ROBO2: variants seen among roughly 807,000 people sequenced by gnomAD.
ROBO2 encodes the protein roundabout homolog 2.
ROBO2 carries 53 observed loss-of-function variants against 160.8 expected under a neutral mutation model. The ratio of observed to expected loss-of-function variants is 0.33; its 90% CI spans 0.26 to 0.41. ROBO2 has a LOEUF of 0.41. ROBO2 is among the 10% of genes least tolerant of loss of function. The pLI, the probability that ROBO2 is intolerant of heterozygous loss-of-function variation, is 1.00. For missense variants in ROBO2, 1,577 were observed against 1,722.4 expected (o/e 0.92, Z 1.49); for synonymous variants, 664 against 611.7 (o/e 1.09, Z -1.26).
chr3:77,524,788 G>T (rs1387869393), intron 6 of ROBO2, among the ~76,000 whole-genome samples: 5 of 148,412 alleles, frequency 3.4e-5, no homozygotes, highest in African/African-American at 1.2e-4. Context: ...GTTTTCAATA[G>T]TTTTTTTTTT....
chr3:76,840,559 G>A (rs979528656), intron 2 of ROBO2, among the ~76,000 whole-genome samples: 4 of 149,404 alleles, frequency 2.7e-5, no homozygotes, highest in Non-Finnish European at 4.4e-5. Context: ...GCAGTGAGCC[G>A]AGATCGCACC....
In ROBO2 at chr3:77,195,592, A is replaced by G. The variant is rs143962842; in HGVS notation, c.388+97252A>G. Reference sequence around the variant, plus strand: ...CCTGGAAGTATAGTTCACAGCAAACATTTTAAATCTGTCTTATCTATATTA... The same window carrying G: ...CCTGGAAGTATAGTTCACAGCAAACGTTTTAAATCTGTCTTATCTATATTA... On this transcript the variant is annotated intron_variant, in intron 2 of 25. Transcript: ENST00000461745. Among the ~76,000 whole-genome samples the G allele has an allele frequency of 1.6e-4, 24 of 152,336 alleles. No homozygotes were observed. In the East Asian group the frequency reaches 3.5e-3, roughly 22 times the overall value.
intron 2 of ROBO2, among the ~76,000 whole-genome samples, chr3:77,101,409 G>A (rs577316555): frequency 6.6e-6 from 1 of 152,268 alleles, no homozygotes; most frequent in Non-Finnish European, 1.5e-5. Context: ...TATGGTAAAC[G>A]TTAGCTGTAT....
chr3:76,855,563 A>AT (rs1450505623), intron 2 of ROBO2, among the ~76,000 whole-genome samples: 2 of 152,182 alleles, frequency 1.3e-5, no homozygotes, highest in South Asian at 2.1e-4. Flanking sequence ...TGGTGTATAT[A>AT]TTTTTTTCTT....
intron 2 of ROBO2, among the ~76,000 whole-genome samples, chr3:76,505,202 A>G (rs1008931695): frequency 6.6e-6 from 1 of 152,184 alleles, no homozygotes; most frequent in African/African-American, 2.4e-5. Context: ...ATTTAGATCA[A>G]TTAATAAAAG....
At chr3:77,460,666 C>T (rs543327422) in intron 2 of ROBO2, among the ~76,000 whole-genome samples, 6 of 152,088 alleles carry the variant, frequency 3.9e-5, no homozygotes, top group South Asian at 4.2e-4. Context: ...GCAATGCTTT[C>T]GTGGTAATGA....
rs1441491928 is a variant in ROBO2 at position 77,156,811 on chromosome 3, TA to T, written c.388+58477del. On this transcript the variant is annotated intron_variant, in intron 2 of 25. Coordinates refer to ENST00000461745, the Ensembl canonical transcript of ROBO2. The stretch of plus-strand genomic sequence containing the variant: ...TCATTAGAATATTCATTAGAATGTA[TA>T]AAAAATAGAATTAAGCTAGTTAATT... Among the ~76,000 whole-genome samples, 4 of 151,166 alleles carry T rather than the reference TA, an allele frequency of 2.6e-5. No individual in the cohort carries two copies. The East Asian group carries it at 7.7e-4, about 29-fold the overall frequency.
rs993497276 is a variant in ROBO2, at chr3:77,047,644, G to A, written c.61+6798G>A. ...GTGGAGGTTGCAGTGCCAAAATTGT[G>A]CCATTATACTCCAGCCTAGGCAACG... On this transcript the variant is annotated intron_variant, in intron 1 of 25. Transcript: ENST00000461745. Among the ~76,000 whole-genome samples the A allele has an allele frequency of 2.7e-5, 4 of 150,754 alleles. No homozygotes were observed. In the South Asian group the frequency reaches 8.4e-4, roughly 32 times the overall value.
At position 76,502,998 on chromosome 3, in the gene ROBO2, A is replaced by ATG. The variant is rs1268241725; in HGVS notation, c.109+565397_109+565398insGT. Among the ~76,000 whole-genome samples, 483 of 125,814 alleles carry ATG rather than the reference A, an allele frequency of 3.8e-3. 1 individual carries two copies. The highest frequency in any genetic ancestry group is 8.6e-3 in the African/African-American group (321 of 37,432). The allele number at this position is 125,814 out of a possible 152,430, so 82.5% of individuals were successfully genotyped here. A position where few individuals can be genotyped will look rare whatever the true frequency, so the allele number is the denominator to read the frequency against. On this transcript the variant is annotated intron_variant, in intron 2 of 26. Transcript: ENST00000487694. ...GACAGAACTAACAGGATATATATATATATGTGTGTGTGTGTGTGTGTGCGC... is the reference window on the plus strand; with the variant it reads ...GACAGAACTAACAGGATATATATATATGTATGTGTGTGTGTGTGTGTGTGCGC...
intron 2 of ROBO2, among the ~76,000 whole-genome samples, chr3:76,811,803 T>A (rs2065185939): frequency 1.6e-5 from 1 of 60,656 alleles, no homozygotes; most frequent in Admixed American, 2.2e-4. Context: ...CCTTCCTTCC[T>A]TCCTTCCTTC....
chr3:76,286,832 T>A (rs2107687559), intron 2 of ROBO2, among the ~76,000 whole-genome samples: 1 of 152,324 alleles, frequency 6.6e-6, no homozygotes, highest in Middle Eastern at 3.4e-3. Flanking sequence ...GTTTAAAATC[T>A]CCGACCTATT....
intron 2 of ROBO2, among the ~76,000 whole-genome samples, chr3:77,373,329 T>A (rs1010665683): frequency 6.6e-6 from 1 of 151,820 alleles, no homozygotes; most frequent in Non-Finnish European, 1.5e-5. Context: ...TCAGTGATTT[T>A]AAAAAATATA....
intron 2 of ROBO2, among the ~76,000 whole-genome samples, chr3:76,447,341 G>C (rs2077238608): frequency 6.6e-6 from 1 of 151,966 alleles, no homozygotes; most frequent in Non-Finnish European, 1.5e-5. Flanking sequence ...ACCACAATGA[G>C]ATACCATCTC....
chr3:77,157,072 CA>C (rs536037323), intron 2 of ROBO2, among the ~76,000 whole-genome samples: 40 of 152,070 alleles, frequency 2.6e-4, no homozygotes, highest in African/African-American at 9.4e-4. Flanking sequence ...GATGAGTCTG[CA>C]CATTAAATAG....
intron 2 of ROBO2, among the ~76,000 whole-genome samples, chr3:76,631,372 T>G (rs1002967709): frequency 6.6e-6 from 1 of 152,104 alleles, no homozygotes; most frequent in Non-Finnish European, 1.5e-5. Context: ...CTGGTAAAGA[T>G]TCCCTTGCTT....
At chr3:77,554,316 A>G (rs114102175) in intron 8 of ROBO2, among the ~76,000 whole-genome samples, 178 of 152,104 alleles carry the variant, frequency 1.2e-3, no homozygotes, top group African/African-American at 4.0e-3. Flanking sequence ...CTTGTCACCC[A>G]AGCTCTGATA....
chr3:77,448,214 C>G lies in ROBO2; in HGVS notation c.389-29200C>G, dbSNP rs1167104437. On this transcript the variant is annotated intron_variant, in intron 2 of 25. Coordinates refer to ENST00000461745, the Ensembl canonical transcript of ROBO2. ...GCCTTGCTGATTCCACATTTGACTT[C>G]CAGGATCACTGATGTCCCCATGTGA... 2.0e-5 allele frequency among the ~76,000 whole-genome samples: 3 copies of G among 152,228 alleles called. No individual in the cohort carries two copies. The East Asian group carries it at 5.8e-4, about 29-fold the overall frequency.
At chr3:77,128,446 C>T (rs894631978) in intron 2 of ROBO2, among the ~76,000 whole-genome samples, 1 of 152,144 alleles carries the variant, frequency 6.6e-6, no homozygotes. Flanking sequence ...GAATGTATCC[C>T]TCATGGATAA....
At chr3:75,908,117 A>G (rs1199545855) in intron 1 of ROBO2, among the ~76,000 whole-genome samples, 3 of 152,102 alleles carry the variant, frequency 2.0e-5, no homozygotes, top group Admixed American at 6.6e-5. Context: ...CACACTGTGG[A>G]TTTAATAGCA....
Sources: allele counts gnomAD v4.1 joint callset (sites outside exome capture counted in the v4.1 genomes callset), GRCh38; gene constraint gnomAD v4.1.1; transcripts MANE v1.5; gene names NCBI Gene and HGNC (gene_info 2026-07-23, HGNC 2026-07-21).